The following DOCK5 variants were observed in gnomAD, a reference collection of about 807,000 sequenced individuals.
DOCK5 encodes dedicator of cytokinesis protein 5.
A neutral mutation model predicts 251.8 loss-of-function variants in DOCK5; 142 were observed. The ratio of observed to expected loss-of-function variants is 0.56; its 90% CI spans 0.49 to 0.65. DOCK5 has a LOEUF of 0.65. Ranked by LOEUF, DOCK5 falls within the 30% of genes least tolerant of loss-of-function variation. DOCK5 has a pLI of 0.00. For missense variants in DOCK5, 2,111 were observed against 2,312.3 expected (o/e 0.91, Z 1.79); for synonymous variants, 842 against 835.5 (o/e 1.01, Z -0.13).
intron 2 of DOCK5, among the ~76,000 whole-genome samples, chr8:25,264,058 C>T (rs556959005): frequency 6.6e-6 from 1 of 152,028 alleles, no homozygotes; most frequent in African/African-American, 2.4e-5. Context: ...TGAGCAACTC[C>T]TGTTGATTCA....
chr8:25,287,327 G>A (rs1200507139), intron 5 of DOCK5, among the ~76,000 whole-genome samples: 1 of 152,126 alleles, frequency 6.6e-6, no homozygotes, highest in Non-Finnish European at 1.5e-5. Context: ...TTGGGAGGCT[G>A]AGGCAGGAGA....
chr8:25,248,475 G>T (rs1180003926), intron 2 of DOCK5, among the ~76,000 whole-genome samples: 1 of 152,158 alleles, frequency 6.6e-6, no homozygotes, highest in East Asian at 1.9e-4. Flanking sequence ...TGGGATTCGT[G>T]TCTTCCAGCT....
At chr8:25,301,998 T>C (rs933698899) in intron 9 of DOCK5, among the ~76,000 whole-genome samples, 2 of 152,180 alleles carry the variant, frequency 1.3e-5, no homozygotes, top group African/African-American at 4.8e-5. Flanking sequence ...CGTCCAAAGA[T>C]ATACAATCGC....
intron 21 of DOCK5, 56 bp from the exon 22 acceptor site, chr8:25,336,183 A>C: frequency 6.4e-7 from 1 of 1,566,846 alleles, no homozygotes; most frequent in Non-Finnish European, 8.7e-7. Context: ...AACTTACCCA[A>C]GCCTCAGAGT....
At chr8:25,373,584 G>A in intron 35 of DOCK5, 34 bp from the exon 36 acceptor site, 3 of 1,560,928 alleles carry the variant, frequency 1.9e-6, no homozygotes, top group Non-Finnish European at 2.6e-6. Context: ...CTTGATTTAT[G>A]TTGGGATTCT....
intron 40 of DOCK5, among the ~76,000 whole-genome samples, chr8:25,385,227 T>C (rs536895566): frequency 2.0e-5 from 3 of 152,160 alleles, no homozygotes; most frequent in African/African-American, 4.8e-5. Context: ...GCTGCAGACT[T>C]TTCGTGTTGG....
intron 5 of DOCK5, among the ~76,000 whole-genome samples, chr8:25,286,218 A>G (rs1411730222): frequency 6.6e-6 from 1 of 152,170 alleles, no homozygotes; most frequent in Non-Finnish European, 1.5e-5. Context: ...AGCTACGTGG[A>G]AAAGGCATGA....
chr8:25,345,014 T>C (rs1450092924), intron 25 of DOCK5, among the ~76,000 whole-genome samples: 2 of 152,174 alleles, frequency 1.3e-5, no homozygotes, highest in South Asian at 2.1e-4. Flanking sequence ...CAGAATGTCA[T>C]TGACATGTAC....
chr8:25,386,032 G>A (rs888130634), intron 40 of DOCK5, among the ~76,000 whole-genome samples: 1 of 152,200 alleles, frequency 6.6e-6, no homozygotes, highest in Admixed American at 6.5e-5. Context: ...ATAGGAGAAT[G>A]GGGCAGGTGG....
At chr8:25,310,093 C>T (rs1015919416) in intron 12 of DOCK5, among the ~76,000 whole-genome samples, 4 of 151,982 alleles carry the variant, frequency 2.6e-5, no homozygotes, top group African/African-American at 7.2e-5. Context: ...TTCATTGTTT[C>T]ATGTATATAT....
chr8:25,327,135 G>A (rs544281544), intron 18 of DOCK5, among the ~76,000 whole-genome samples: 2 of 152,088 alleles, frequency 1.3e-5, no homozygotes, highest in Non-Finnish European at 2.9e-5. Context: ...AAAGAATGCA[G>A]TAAATTAAAA....
chr8:25,207,693 T>A (rs1021163861), intron 1 of DOCK5, among the ~76,000 whole-genome samples: 2 of 152,158 alleles, frequency 1.3e-5, no homozygotes, highest in African/African-American at 4.8e-5. Flanking sequence ...ATTCAAAATA[T>A]TACTGCCCAT....
rs768684765 is a variant in DOCK5 at position 25,317,073 on chromosome 8, C to T, written c.1385C>T (p.Thr462Met). ...GAGTTTGACAAAGGGAAGAAGAAGA[C>T]GCCAAAGAATGTGGAGGTGACGATG... ...HGEFDKGKKKTPKNVEVTMSV... is the reference protein window; with the variant it reads ...HGEFDKGKKKMPKNVEVTMSV... Residue 462 changes from threonine (T) to methionine (M), a missense_variant, in exon 14 of 52, where the codon ACG becomes ATG. Thr to Met is a moderately conservative substitution (Grantham distance 81). Around this residue, in one of 3 missense-constraint regions of DOCK5, gnomAD observed 1,717 missense variants for 1,892.4 expected, o/e 0.91. Coordinates refer to ENST00000276440, the MANE Select transcript of DOCK5 (RefSeq NM_024940.8). The T allele has an allele frequency of 1.2e-5, 19 of 1,613,884 alleles. No individual in the cohort carries two copies. Among genetic ancestry groups the T allele is most frequent in the Admixed American group, 1.7e-5 (1 of 60,012 alleles).
At chr8:25,253,743 G>T (rs1031014894) in intron 2 of DOCK5, among the ~76,000 whole-genome samples, 21 of 152,188 alleles carry the variant, frequency 1.4e-4, no homozygotes, top group Admixed American at 7.9e-4. Flanking sequence ...ATTGATGAAA[G>T]AATTTGAAAT....
chr8:25,187,244 T>C lies in DOCK5; in HGVS notation c.43+2293T>C, dbSNP rs185899335. 9.3e-3 allele frequency among the ~76,000 whole-genome samples: 1,263 copies of C among 136,314 alleles called. 10 individuals are homozygous for C. Among genetic ancestry groups the C allele is most frequent in the African/African-American group, 0.031 (1,042 of 33,720 alleles). 89.4% of individuals were successfully genotyped at this position (136,314 alleles called of 152,430 possible). On this transcript the variant is annotated intron_variant, in intron 1 of 51. Transcript: ENST00000276440. Reference sequence around the variant, plus strand: ...ACATATATATACGTATATATATATATACACACACACACACACGTATACACA... The same window carrying C: ...ACATATATATACGTATATATATATACACACACACACACACACGTATACACA...
intron 28 of DOCK5, 122 bp from the exon 29 acceptor site, chr8:25,362,925 G>A (rs1440129174): frequency 1.4e-6 from 1 of 697,820 alleles, no homozygotes; most frequent in African/African-American, 1.8e-5. Flanking sequence ...TTGAAAGATG[G>A]GCTGTTACTG....
At chr8:25,240,972 C>T (rs1250973309) in intron 1 of DOCK5, among the ~76,000 whole-genome samples, 30 of 152,196 alleles carry the variant, frequency 2.0e-4, no homozygotes, top group Non-Finnish European at 7.3e-5. Flanking sequence ...TCAGTTCAAT[C>T]TCAGCCTCCA....
chr8:25,405,821 G>C (rs756116898), intron 48 of DOCK5, among the ~76,000 whole-genome samples: 29 of 150,812 alleles, frequency 1.9e-4, no homozygotes, highest in Non-Finnish European at 3.8e-4. Flanking sequence ...TTTCTGCCTA[G>C]CAATATATTT....
chr8:25,332,685 A>G lies in DOCK5; in HGVS notation c.2084A>G (p.Asp695Gly). 6.2e-7 allele frequency: 1 copy of G among 1,610,618 alleles called. No homozygotes were observed. Among genetic ancestry groups the G allele is most frequent in the Middle Eastern group, 1.7e-4 (1 of 6,038 alleles). The change falls in exon 20 of 52, where the codon GAC becomes GGC. Residue 695 changes from aspartate to glycine, a missense_variant. Coordinates refer to ENST00000276440, the MANE Select transcript of DOCK5 (RefSeq NM_024940.8). Reference protein sequence around the residue: ...DSETYDFLVFDALVFIISLIG... With the variant: ...DSETYDFLVFGALVFIISLIG... ...GAAACCTATGACTTCCTTGTGTTTG[A>G]CGCACTGGTAAGCAGTTAAACATAT...
Sources: gnomAD v4.1 joint callset for allele counts (sites outside exome capture counted in the v4.1 genomes callset) on GRCh38, gnomAD v4.1.1 for gene constraint, gnomAD v4.1.1 regional missense constraint, MANE v1.5 for transcripts, NCBI Gene and HGNC (gene_info 2026-07-23, HGNC 2026-07-21) for gene names.